The following POLE variants were observed in gnomAD, a reference collection of about 807,000 sequenced individuals.
The protein encoded by POLE is DNA polymerase epsilon catalytic subunit A.
A neutral mutation model predicts 279.2 loss-of-function variants in POLE; 188 were observed. The ratio of observed to expected loss-of-function variants is 0.67; its 90% CI spans 0.60 to 0.76. POLE has a LOEUF of 0.76. POLE is among the 30% of genes least tolerant of loss of function. POLE has a pLI of 0.00. For synonymous variants in POLE, 1,214 were observed against 1,172.5 expected, an observed-to-expected ratio of 1.04 and a Z score of -0.72; for missense variants, 2,703 against 3,016.7, an observed-to-expected ratio of 0.90 and a Z score of 2.44.
chr12:132,646,261 C>G (rs1220824138), intron 32 of POLE, among the ~76,000 whole-genome samples: 1 of 152,112 alleles, frequency 6.6e-6, no homozygotes, highest in South Asian at 2.1e-4. Flanking sequence ...ATCAGGCCAG[C>G]AGAAGGTTGC....
At position 132,658,291 on chromosome 12, in the gene POLE, T is replaced by C. The variant is rs978805684; in HGVS notation, c.3276-321A>G. 4 of 279,924 alleles carry C rather than the reference T, an allele frequency of 1.4e-5. No individual in the cohort carries two copies. In the Admixed American group the frequency reaches 2.0e-4, roughly 14 times the overall value. 17.3% of individuals were successfully genotyped at this position (279,924 alleles called of 1,614,324 possible). A position where few individuals can be genotyped will look rare whatever the true frequency, so the allele number is the denominator to read the frequency against. ...GTTTCTCATTGAGTAACCACGTGCATGCGTACAGGCAAACACGTGCATGTT... is the reference window on the plus strand; with the variant it reads ...GTTTCTCATTGAGTAACCACGTGCACGCGTACAGGCAAACACGTGCATGTT... On this transcript the variant is annotated intron_variant, in intron 26 of 48. Transcript: ENST00000320574.
chr12:132,658,642 C>G (rs2042603748), intron 26 of POLE: 1 of 153,736 alleles, frequency 6.5e-6, no homozygotes, highest in Non-Finnish European at 1.4e-5. Context: ...CTGGAGGAAA[C>G]ATCTGTGGTG....
At chr12:132,632,990 G>A (rs1406175418) in intron 43 of POLE, 195 bp from the exon 44 acceptor site, 5 of 587,806 alleles carry the variant, frequency 8.5e-6, no homozygotes, top group African/African-American at 5.6e-5. Flanking sequence ...AGGAACACTC[G>A]CTGACACCTG....
At chr12:132,666,783 G>C (rs1357868298) in intron 20 of POLE, among the ~76,000 whole-genome samples, 3 of 152,170 alleles carry the variant, frequency 2.0e-5, no homozygotes, top group Non-Finnish European at 4.4e-5. Context: ...AATTCTGGAG[G>C]TAGATGGTGG....
In POLE at chr12:132,626,143, G is replaced by A. The variant is rs878854893; in HGVS notation, c.6505C>T (p.Leu2169=). 3.7e-6 allele frequency: 6 copies of A among 1,606,764 alleles called. No individual in the cohort carries two copies. Among genetic ancestry groups the A allele is most frequent in the Non-Finnish European group, 4.2e-6 (5 of 1,176,618 alleles). Residue 2169 remains leucine (L), a synonymous_variant, in exon 46 of 49, where the codon CTG becomes TTG. Transcript: ENST00000320574. ...TCTGAGAAGGAAGAGTCTTTACACA[G>A]GTCCAGGTCGCGGCAGAAGTTACAG... is the stretch of plus-strand genomic sequence containing the variant. ...RSCNFCRDLD[L]CKDSSFSEDG...
chr12:132,672,615 G>A lies in POLE; in HGVS notation c.1686+12C>T, dbSNP rs1361270764. ...GAGTGGGAAGAATCTGAATCCCAGGGAAGAAGCACACCATCCTAAACCGGC... is the reference window on the plus strand; with the variant it reads ...GAGTGGGAAGAATCTGAATCCCAGGAAAGAAGCACACCATCCTAAACCGGC... On this transcript the variant is annotated intron_variant, in intron 15 of 48. Transcript: ENST00000320574. 2 of 1,612,666 alleles carry A rather than the reference G, an allele frequency of 1.2e-6. No individual in the cohort carries two copies. The highest frequency in any genetic ancestry group is 1.3e-5 in the African/African-American group (1 of 74,928).
chr12:132,663,389 G>T (rs1420879122), intron 23 of POLE, among the ~76,000 whole-genome samples: 1 of 152,206 alleles, frequency 6.6e-6, no homozygotes, highest in Non-Finnish European at 1.5e-5. Context: ...ACGTGGGGAG[G>T]GTGTCGCACC....
At chr12:132,647,135 A>T (rs564045048) in intron 32 of POLE, among the ~76,000 whole-genome samples, 36 of 152,102 alleles carry the variant, frequency 2.4e-4, no homozygotes, top group Non-Finnish European at 3.1e-4. Flanking sequence ...CGTGTACCTT[A>T]ACATACCTAA....
At chr12:132,680,366 T>C in intron 3 of POLE, 144 bp from the exon 4 acceptor site, 1 of 770,156 alleles carries the variant, frequency 1.3e-6, no homozygotes, top group East Asian at 2.5e-5. Context: ...GAAGTCAGAA[T>C]GCGCACTTTT....
In POLE at chr12:132,659,312, G is replaced by GC; in HGVS notation, c.3257dup (p.Ser1087LeufsTer37). On this transcript the variant is annotated frameshift_variant, in exon 26 of 49. Coordinates refer to ENST00000320574, the MANE Select transcript of POLE (RefSeq NM_006231.4). LOFTEE classifies it high-confidence loss of function. ...GCCCTCACCTCTCCGTGACAGGGGA[G>GC]CCCTCGGGCTTGCGGGAGATGATGT... is the stretch of plus-strand genomic sequence containing the variant. 6.2e-7 allele frequency: 1 copy of GC among 1,611,778 alleles called. No homozygotes were observed. The highest frequency in any genetic ancestry group is 2.2e-5 in the East Asian group (1 of 44,868).
rs368364666 is a variant in POLE, at chr12:132,639,295, G to C, written c.5382C>G (p.Ile1794Met). 3.8e-5 allele frequency: 61 copies of C among 1,613,660 alleles called. No individual in the cohort carries two copies. Among genetic ancestry groups the C allele is most frequent in the Non-Finnish European group, 6.8e-6 (8 of 1,179,810 alleles). ...CCCAGCCCACGACCATGCTCTTCAG[G>C]ATCCTGAAAGAGAAGGTGCACGACA... ...ETALCSNTFR[I>M]LKSMVVGWVK... The change falls in exon 40 of 49, where the codon ATC becomes ATG. Residue 1794 changes from isoleucine (I) to methionine (M), a missense_variant. Ile to Met is a conservative substitution (Grantham distance 10, BLOSUM62 1). Coordinates refer to ENST00000320574, the MANE Select transcript of POLE (RefSeq NM_006231.4). The surrounding 1 kb of genome is among the most constrained non-coding windows in gnomAD (Gnocchi z 4.7).
rs2138421773 is a variant in POLE, at chr12:132,624,733, C to T, written c.6825G>A (p.Glu2275=). ...GCTGTGGGTTCTTCTGCAGCAGCCA[C>T]TCCAGGGTCTCCAGGAGGTACGACA... The part of the protein sequence containing the change: ...YGMSYLLETL[E]WLLQKNPQLG... The change falls in exon 49 of 49, where the codon GAG becomes GAA. Residue 2275 remains glutamate (E), a synonymous_variant. Coordinates refer to ENST00000320574, the MANE Select transcript of POLE (RefSeq NM_006231.4). 2 of 1,613,588 alleles carry T rather than the reference C, an allele frequency of 1.2e-6. No individual in the cohort carries two copies. Among genetic ancestry groups the T allele is most frequent in the Non-Finnish European group, 8.5e-7 (1 of 1,179,534 alleles).
intron 16 of POLE, among the ~76,000 whole-genome samples, chr12:132,670,583 C>T (rs1018054364): frequency 2.0e-5 from 3 of 150,166 alleles, no homozygotes; most frequent in East Asian, 2.1e-4. Flanking sequence ...CTCCGCCTCC[C>T]GGGTTCTTGC....
chr12:132,683,690 C>A (rs1455953152), intron 1 of POLE, among the ~76,000 whole-genome samples: 1 of 152,226 alleles, frequency 6.6e-6, no homozygotes, highest in East Asian at 1.9e-4. Flanking sequence ...GTGCTATTTA[C>A]GAGGCATCAC....
intron 32 of POLE, among the ~76,000 whole-genome samples, chr12:132,644,662 A>AGT (rs1565941461): frequency 1.3e-5 from 2 of 151,674 alleles, no homozygotes; most frequent in African/African-American, 2.4e-5. Flanking sequence ...GGGGAGCCAG[A>AGT]GTGTGTGTGT....
chr12:132,676,408 C>A (rs1002720255), intron 9 of POLE, 138 bp downstream of exon 9: 2 of 725,168 alleles, frequency 2.8e-6, no homozygotes, highest in East Asian at 2.7e-5. Context: ...GAGGTCGGAA[C>A]GGCTTGGTTG....
At position 132,639,267 on chromosome 12, in the gene POLE, T is replaced by C. The variant is rs374146891; in HGVS notation, c.5410A>G (p.Lys1804Glu). 2 of 1,614,094 alleles carry C rather than the reference T, an allele frequency of 1.2e-6. No individual in the cohort carries two copies. Among genetic ancestry groups the C allele is most frequent in the Middle Eastern group, 1.7e-4 (1 of 6,060 alleles). ...ILKSMVVGWV[K>E]EITQYHNIYA... is the part of the protein sequence containing the mutation. ...ATGTTGTGGTACTGGGTGATCTCCTTCACCCAGCCCACGACCATGCTCTTC... is the reference window on the plus strand; with the variant it reads ...ATGTTGTGGTACTGGGTGATCTCCTCCACCCAGCCCACGACCATGCTCTTC... Residue 1804 changes from lysine to glutamate, a missense_variant, in exon 40 of 49, where the codon AAG becomes GAG. Around this residue, in one of 5 missense-constraint regions of POLE, gnomAD observed 1,551 missense variants for 1,686.1 expected, o/e 0.92. Transcript: ENST00000320574. This position sits in a 1 kb window ranked among gnomAD's most constrained non-coding sequence, Gnocchi z 4.7.
At chr12:132,628,556 T>G (rs945865120) in intron 45 of POLE, among the ~76,000 whole-genome samples, 6 of 150,340 alleles carry the variant, frequency 4.0e-5, no homozygotes, top group African/African-American at 1.2e-4. Context: ...TGTAGGAAAA[T>G]CACTTGAACC....
At chr12:132,658,993 T>G (rs2042615874) in intron 26 of POLE, among the ~76,000 whole-genome samples, 1 of 151,606 alleles carries the variant, frequency 6.6e-6, no homozygotes, top group Non-Finnish European at 1.5e-5. Context: ...TTCTCCAAAG[T>G]GGTTTCAAAC....
Sources: gnomAD v4.1 joint callset for allele counts (sites outside exome capture counted in the v4.1 genomes callset) on GRCh38, gnomAD v4.1.1 for gene constraint, gnomAD v4.1.1 regional missense constraint, Gnocchi (gnomAD v3.1) non-coding constraint, MANE v1.5 for transcripts, NCBI Gene and HGNC (gene_info 2026-07-23, HGNC 2026-07-21) for gene names.